EXOC2: variants seen among roughly 807,000 people sequenced by gnomAD.
The protein encoded by EXOC2 is exocyst complex component 2, also known as SEC5-like 1.
A neutral mutation model predicts 131.8 loss-of-function variants in EXOC2; 70 were observed. The observed-to-expected ratio is 0.53, with a 90% CI of 0.44 to 0.65. The LOEUF (loss-of-function observed/expected upper bound fraction) is 0.65. Ranked by LOEUF, EXOC2 falls within the 30% of genes least tolerant of loss-of-function variation. EXOC2 has a pLI of 0.00. For missense variants in EXOC2, 923 were observed against 1,108.6 expected (o/e 0.83, Z 2.38); for synonymous variants, 411 against 398.4 (o/e 1.03, Z -0.38).
At chr6:635,741 T>C (rs1420274630) in intron 2 of EXOC2, among the ~76,000 whole-genome samples, 1 of 152,224 alleles carries the variant, frequency 6.6e-6, no homozygotes, top group Non-Finnish European at 1.5e-5. Context: ...ATAAGGCAGG[T>C]TGAAAGCTGA....
chr6:491,261 G>A (rs1003959214), intron 25 of EXOC2, 75 bp from the exon 26 acceptor site: 2 of 1,485,022 alleles, frequency 1.3e-6, no homozygotes, highest in Admixed American at 3.4e-5. Flanking sequence ...TAAGGTTAAG[G>A]GTCTCCAGCC....
chr6:603,891 T>C (rs1252655460), intron 7 of EXOC2, among the ~76,000 whole-genome samples: 16 of 152,204 alleles, frequency 1.1e-4, no homozygotes, highest in Admixed American at 1.0e-3. Flanking sequence ...GCAATAATGA[T>C]AGCTAATAAT....
intron 6 of EXOC2, among the ~76,000 whole-genome samples, chr6:612,249 T>C (rs1760754107): frequency 6.6e-6 from 1 of 152,246 alleles, no homozygotes; most frequent in African/African-American, 2.4e-5. Flanking sequence ...CATATTCTTC[T>C]TTTTTTGTTT....
chr6:493,387 G>GA lies in EXOC2; in HGVS notation c.2560-2202dup, dbSNP rs1377542648. Among the ~76,000 whole-genome samples the GA allele has an allele frequency of 2.0e-5, 3 of 152,152 alleles. 1 individual carries two copies. In the South Asian group the frequency reaches 6.2e-4, roughly 32 times the overall value. ...GTATAGGTAAAAACAGACCTACCAG[G>GA]AAAAAAGGTAGAACTTTCAGCTGAC... On this transcript the variant is annotated intron_variant, in intron 25 of 27. Transcript: ENST00000230449.
chr6:643,682 G>A (rs897995019), intron 1 of EXOC2, among the ~76,000 whole-genome samples: 5 of 151,392 alleles, frequency 3.3e-5, no homozygotes, highest in African/African-American at 4.9e-5. Flanking sequence ...AAAGGAAGCA[G>A]AATGACAGAA....
intron 15 of EXOC2, 80 bp from the exon 16 acceptor site, chr6:564,234 C>A: frequency 6.5e-7 from 1 of 1,547,724 alleles, no homozygotes. Flanking sequence ...ACTGTATAAT[C>A]ATTCCTCACG....
intron 1 of EXOC2, among the ~76,000 whole-genome samples, chr6:684,791 T>C (rs1764567986): frequency 6.6e-6 from 1 of 152,106 alleles, no homozygotes; most frequent in South Asian, 2.1e-4. Context: ...GCAGTAATAA[T>C]ATAAAGAAAA....
intron 10 of EXOC2, among the ~76,000 whole-genome samples, 174 bp from the exon 11 acceptor site, chr6:592,761 C>T (rs1759612066): frequency 1.3e-5 from 2 of 152,082 alleles, no homozygotes; most frequent in Non-Finnish European, 2.9e-5. Context: ...TGAGATGGCT[C>T]CTGCCTGTAA....
chr6:593,289 TG>T (rs148180699), intron 10 of EXOC2, among the ~76,000 whole-genome samples: 19,365 of 152,116 alleles, frequency 0.13, 1,357 homozygotes, highest in East Asian at 0.15. Context: ...AAATTTCAGA[TG>T]TTTTTTAATT....
intron 18 of EXOC2, 133 bp from the exon 19 acceptor site, chr6:556,146 G>T: frequency 1.2e-6 from 1 of 816,796 alleles, no homozygotes; most frequent in Non-Finnish European, 2.0e-6. Context: ...AAGGAGGCGT[G>T]CGAAGAGTGG....
intron 1 of EXOC2, among the ~76,000 whole-genome samples, chr6:658,629 A>AATATATATATATATTTTATAT (rs1281979279): frequency 8.3e-6 from 1 of 119,920 alleles, no homozygotes; most frequent in African/African-American, 3.2e-5. Context: ...GGATATTTAA[A>AATATATATATATATTTTATAT]ATATATATAT....
At chr6:636,119 T>C (rs1187653290) in intron 2 of EXOC2, among the ~76,000 whole-genome samples, 1 of 152,222 alleles carries the variant, frequency 6.6e-6, no homozygotes, top group Non-Finnish European at 1.5e-5. Flanking sequence ...CAAGTAAGAA[T>C]AGCATTGCCT....
intron 23 of EXOC2, among the ~76,000 whole-genome samples, chr6:505,671 G>A (rs1413256167): frequency 6.6e-6 from 1 of 152,166 alleles, no homozygotes; most frequent in Non-Finnish European, 1.5e-5. Flanking sequence ...TCCCACTGGG[G>A]CAGCTCTGCA....
intron 7 of EXOC2, among the ~76,000 whole-genome samples, chr6:609,532 G>A (rs1186064860): frequency 6.6e-6 from 1 of 152,206 alleles, no homozygotes; most frequent in African/African-American, 2.4e-5. Context: ...GGACAGACAA[G>A]GGACGTGGAC....
chr6:529,120 C>CT (rs376365380), intron 23 of EXOC2, among the ~76,000 whole-genome samples: 4,745 of 148,670 alleles, frequency 0.032, 426 homozygotes, highest in South Asian at 0.29. Flanking sequence ...CCTTTTACCC[C>CT]CCCCCGCGCC....
intron 1 of EXOC2, among the ~76,000 whole-genome samples, chr6:689,388 G>A (rs188074410): frequency 1.1e-3 from 163 of 152,332 alleles, no homozygotes; most frequent in African/African-American, 3.8e-3. Context: ...AAAAAGAACT[G>A]TCTAACAAAT....
intron 1 of EXOC2, among the ~76,000 whole-genome samples, chr6:663,262 G>A (rs115465847): frequency 3.0e-4 from 45 of 152,112 alleles, no homozygotes; most frequent in African/African-American, 9.6e-4. Flanking sequence ...TAGACACCCC[G>A]AACAGACCAA....
chr6:573,088 T>C (rs2073010), intron 12 of EXOC2, among the ~76,000 whole-genome samples: 42,981 of 152,156 alleles, frequency 0.28, 6,281 homozygotes, highest in African/African-American at 0.34. Flanking sequence ...AATGCCATCA[T>C]ACACCCTGGG....
At chr6:542,159 A>G (rs6918152) in intron 22 of EXOC2, among the ~76,000 whole-genome samples, 73,166 of 152,160 alleles carry the variant, frequency 0.48, 20,272 homozygotes, top group South Asian at 0.71. Context: ...GCACAAGTGG[A>G]CATAAGGCCT....
Sources: allele counts gnomAD v4.1 joint callset (sites outside exome capture counted in the v4.1 genomes callset), GRCh38; gene constraint gnomAD v4.1.1; transcripts MANE v1.5; gene names NCBI Gene and HGNC (gene_info 2026-07-23, HGNC 2026-07-21).